MTA3: variants seen among roughly 807,000 people sequenced by gnomAD.
MTA3 encodes the protein metastasis-associated protein MTA3.
A neutral mutation model predicts 83.5 loss-of-function variants in MTA3; 34 were observed. The ratio of observed to expected loss-of-function variants is 0.41; its 90% confidence interval spans 0.31 to 0.54. The LOEUF is 0.54. Among genes scored for constraint, MTA3 ranks in the 20% least tolerant of loss-of-function variants. MTA3 has a pLI of 0.33. For missense variants in MTA3, 761 were observed against 726.4 expected (o/e 1.05, Z -0.55); for synonymous variants, 303 against 252.7 (o/e 1.20, Z -1.89).
rs751304077 is a variant in MTA3 at position 42,659,766 on chromosome 2, T to C, written c.606T>C (p.Ala202=). ...ATTGTGTTTGTGGTTTATTCAGTGCTGTTGGGACATTCGCCAGAGCCCTGG... is the reference window on the plus strand; with the variant it reads ...ATTGTGTTTGTGGTTTATTCAGTGCCGTTGGGACATTCGCCAGAGCCCTGG... ...QIDQFLVVAR[A]VGTFARALDC... is the part of the protein sequence containing the mutation. The change falls in exon 8 of 17, where the codon GCT becomes GCC. Residue 202 remains alanine, a synonymous_variant. Transcript: ENST00000405094. 1.3e-6 allele frequency: 2 copies of C among 1,595,978 alleles called. No individual in the cohort carries two copies. The highest frequency in any genetic ancestry group is 1.7e-5 in the Admixed American group (1 of 57,556).
At chr2:42,662,824 C>T (rs370665077) in intron 8 of MTA3, among the ~76,000 whole-genome samples, 7 of 151,726 alleles carry the variant, frequency 4.6e-5, no homozygotes, top group East Asian at 3.9e-4. Flanking sequence ...CTCCGCTTCC[C>T]GGGTTCAAGT....
intron 8 of MTA3, among the ~76,000 whole-genome samples, chr2:42,664,018 G>C (rs951639862): frequency 5.9e-5 from 9 of 152,152 alleles, no homozygotes; most frequent in African/African-American, 2.2e-4. Context: ...TTCAGAGATA[G>C]GGTTTGGATC....
intron 8 of MTA3, among the ~76,000 whole-genome samples, chr2:42,665,450 T>C (rs6749160): frequency 0.78 from 118,659 of 152,154 alleles, 46,892 homozygotes; most frequent in African/African-American, 0.9. Context: ...TTTCTACCAT[T>C]ACCCCCATGG....
At chr2:42,674,345 C>G (rs1691131153) in intron 8 of MTA3, among the ~76,000 whole-genome samples, 1 of 152,184 alleles carries the variant, frequency 6.6e-6, no homozygotes, top group South Asian at 2.1e-4. Flanking sequence ...AATTCCATTG[C>G]CAAGATTTAC....
At chr2:42,630,117 C>G (rs1348462019) in intron 4 of MTA3, among the ~76,000 whole-genome samples, 6 of 151,962 alleles carry the variant, frequency 3.9e-5, no homozygotes, top group Non-Finnish European at 8.8e-5. Context: ...CCTTATGATT[C>G]TAATGTCAGA....
chr2:42,608,210 TATACA>T (rs1428273552), intron 3 of MTA3, among the ~76,000 whole-genome samples: 4 of 152,226 alleles, frequency 2.6e-5, no homozygotes, highest in Admixed American at 6.5e-5. Flanking sequence ...AGCTGTGTCT[TATACA>T]ACAACAATTT....
At chr2:42,578,983 C>G in intron 2 of MTA3, 124 bp from the exon 3 acceptor site, 1 of 584,466 alleles carries the variant, frequency 1.7e-6, no homozygotes, top group Non-Finnish European at 3.0e-6. Flanking sequence ...GGTTATCCTG[C>G]AGTTGTGGTT....
chr2:42,674,773 G>A (rs10211311), intron 8 of MTA3, among the ~76,000 whole-genome samples: 97,242 of 150,850 alleles, frequency 0.64, 31,334 homozygotes, highest in South Asian at 0.74. Context: ...TAATTTTTGT[G>A]TTTTTAGTAG....
intron 2 of MTA3, among the ~76,000 whole-genome samples, chr2:42,521,650 C>T (rs1034205325): frequency 3.9e-5 from 6 of 151,916 alleles, no homozygotes; most frequent in Non-Finnish European, 7.4e-5. Context: ...ATAGGCAGAG[C>T]CCTTTCCTCT....
intron 2 of MTA3, among the ~76,000 whole-genome samples, chr2:42,551,747 T>A (rs1033514685): frequency 6.6e-6 from 1 of 151,780 alleles, no homozygotes; most frequent in Non-Finnish European, 1.5e-5. Context: ...GGTAATTTTT[T>A]TTTTCTTTTT....
At chr2:42,542,554 T>C (rs1676569548) in intron 2 of MTA3, among the ~76,000 whole-genome samples, 1 of 152,132 alleles carries the variant, frequency 6.6e-6, no homozygotes, top group Non-Finnish European at 1.5e-5. Flanking sequence ...ATTTTATTTA[T>C]TTATTTATTT....
intron 8 of MTA3, among the ~76,000 whole-genome samples, chr2:42,676,667 G>A (rs1247065354): frequency 6.6e-6 from 1 of 152,198 alleles, no homozygotes; most frequent in Non-Finnish European, 1.5e-5. Context: ...TTGGGAGGCT[G>A]AGGTGGGAGG....
chr2:42,584,968 G>C (rs960040323), intron 3 of MTA3, among the ~76,000 whole-genome samples: 6 of 151,024 alleles, frequency 4.0e-5, no homozygotes, highest in African/African-American at 1.5e-4. Flanking sequence ...GTCTCGCTCT[G>C]TCACCTAGGC....
At chr2:42,714,413 G>T (rs186180430) in intron 14 of MTA3, among the ~76,000 whole-genome samples, 1 of 151,516 alleles carries the variant, frequency 6.6e-6, no homozygotes, top group East Asian at 1.9e-4. Flanking sequence ...CATGAGTTTT[G>T]TGGCTTCTTT....
chr2:42,603,454 T>G (rs1345290921), intron 3 of MTA3, among the ~76,000 whole-genome samples: 2 of 152,194 alleles, frequency 1.3e-5, no homozygotes, highest in Non-Finnish European at 2.9e-5. Context: ...TGGAATTTAT[T>G]ACAGTATTGG....
At chr2:42,565,200 AT>A (rs1037227164), upstream of MTA3, among the ~76,000 whole-genome samples, 23 of 151,684 alleles carry the variant, frequency 1.5e-4, no homozygotes, top group African/African-American at 5.6e-4. Context: ...TTGTTTATTT[AT>A]TTTGAGACAG....
intron 8 of MTA3, among the ~76,000 whole-genome samples, chr2:42,671,350 T>C (rs1181152483): frequency 1.3e-5 from 2 of 152,166 alleles, no homozygotes; most frequent in African/African-American, 2.4e-5. Context: ...ATTGTTTATA[T>C]GTATCACATA....
chr2:42,596,929 G>C (rs899824986), intron 3 of MTA3, among the ~76,000 whole-genome samples: 3 of 151,642 alleles, frequency 2.0e-5, no homozygotes, highest in African/African-American at 7.3e-5. Context: ...TTTGGAGACA[G>C]AGTCTCGCTC....
upstream of MTA3, among the ~76,000 whole-genome samples, chr2:42,563,820 C>CTTCCTTCCTTCCTTCCTTCCT (rs1677777874): frequency 6.8e-6 from 1 of 147,328 alleles, no homozygotes; most frequent in Non-Finnish European, 1.5e-5. Context: ...TCCTTCCTTC[C>CTTCCTTCCTTCCTTCCTTCCT]TTCCTTCCTT....
Sources: allele counts gnomAD v4.1 joint callset (sites outside exome capture counted in the v4.1 genomes callset), GRCh38; gene constraint gnomAD v4.1.1; transcripts MANE v1.5; gene names NCBI Gene and HGNC (gene_info 2026-07-23, HGNC 2026-07-21).